Variants in PLCB1 observed in about 807,000 individuals in gnomAD.
The protein encoded by PLCB1 is 1-phosphatidylinositol 4,5-bisphosphate phosphodiesterase beta-1.
Under a neutral mutation model 161.8 loss-of-function variants are expected in PLCB1, and 46 were observed. That is an observed-to-expected ratio of 0.28 (90% CI 0.22 to 0.36). The LOEUF (loss-of-function observed/expected upper bound fraction) is 0.36, where lower values mean the gene tolerates loss of function less well. Among genes scored for constraint, PLCB1 ranks in the 10% least tolerant of loss-of-function variants. The pLI, the probability that PLCB1 is intolerant of heterozygous loss-of-function variation, is 1.00. For synonymous variants in PLCB1, 517 were observed against 503.7 expected, an observed-to-expected ratio of 1.03 and a Z score of -0.35; for missense variants, 1,016 against 1,472.5, an observed-to-expected ratio of 0.69 and a Z score of 5.07.
chr20:8,827,398 G>A (rs1196112726), intron 31 of PLCB1, among the ~76,000 whole-genome samples: 1 of 152,156 alleles, frequency 6.6e-6, no homozygotes, highest in Admixed American at 6.5e-5. Flanking sequence ...AAGCAGCAAA[G>A]GAAAGGATTT....
intron 3 of PLCB1, among the ~76,000 whole-genome samples, chr20:8,475,707 T>C (rs1276147744): frequency 1.3e-5 from 2 of 152,170 alleles, no homozygotes; most frequent in Non-Finnish European, 2.9e-5. Flanking sequence ...ATATATAACA[T>C]CTTAGATATA....
intron 31 of PLCB1, among the ~76,000 whole-genome samples, chr20:8,816,904 A>T (rs1211457398): frequency 6.6e-6 from 1 of 152,232 alleles, no homozygotes; most frequent in Non-Finnish European, 1.5e-5. Flanking sequence ...CTAACTGTTC[A>T]TCTGGAACCA....
chr20:8,588,831 T>C (rs1987065400), intron 3 of PLCB1, among the ~76,000 whole-genome samples: 1 of 152,184 alleles, frequency 6.6e-6, no homozygotes, highest in Admixed American at 6.5e-5. Context: ...TCATGAACTT[T>C]CATGTTTTCT....
intron 3 of PLCB1, among the ~76,000 whole-genome samples, chr20:8,436,445 A>G (rs1461953672): frequency 7.0e-6 from 1 of 143,686 alleles, no homozygotes; most frequent in Non-Finnish European, 1.5e-5. Flanking sequence ...GAAAAAAAAA[A>G]CAAGACAACA....
At chr20:8,700,682 C>A (rs903240160) in intron 11 of PLCB1, among the ~76,000 whole-genome samples, 2 of 152,128 alleles carry the variant, frequency 1.3e-5, no homozygotes, top group African/African-American at 4.8e-5. Flanking sequence ...AATTCATCAT[C>A]CCAGTTGGTT....
chr20:8,365,650 T>TA lies in PLCB1; in HGVS notation c.178-5725dup, dbSNP rs545598084. ...TTAAAATACTCTAAAATCATTTTTT[T>TA]AAAAAAATTGTGCATTTTAAGGAGG... On this transcript the variant is annotated intron_variant, in intron 2 of 31. Transcript: ENST00000338037. 3.8e-4 allele frequency among the ~76,000 whole-genome samples: 58 copies of TA among 152,280 alleles called. No individual in the cohort carries two copies. The East Asian group carries it at 0.011, about 28-fold the overall frequency.
chr20:8,779,905 A>C (rs1370789998), intron 27 of PLCB1, among the ~76,000 whole-genome samples: 3 of 152,300 alleles, frequency 2.0e-5, no homozygotes, highest in South Asian at 4.1e-4. Context: ...TTCCCTCCCT[A>C]CATCCACAGT....
rs868416185 is a variant in PLCB1, at chr20:8,735,750, A to G, written c.2044-1278A>G. ...ATGTTTTGAAATGCTTGCTTATTTC[A>G]TAGACATAGTTCTCACATAGAACCT... On this transcript the variant is annotated intron_variant, in intron 19 of 31. Transcript: ENST00000338037. Among the ~76,000 whole-genome samples, 27 of 152,342 alleles carry G rather than the reference A, an allele frequency of 1.8e-4. No individual in the cohort carries two copies. In the Middle Eastern group the frequency reaches 0.01, roughly 58 times the overall value.
intron 3 of PLCB1, among the ~76,000 whole-genome samples, chr20:8,595,076 A>G (rs1987286999): frequency 6.6e-6 from 1 of 152,204 alleles, no homozygotes; most frequent in Non-Finnish European, 1.5e-5. Context: ...TTTAAAGGCA[A>G]TTAATATGTC....
At chr20:8,194,999 T>A (rs1236727443) in intron 2 of PLCB1, among the ~76,000 whole-genome samples, 1 of 152,036 alleles carries the variant, frequency 6.6e-6, no homozygotes, top group Non-Finnish European at 1.5e-5. Flanking sequence ...TTTCATAATA[T>A]CTAAATTTTT....
intron 9 of PLCB1, among the ~76,000 whole-genome samples, chr20:8,666,323 T>G (rs1393539751): frequency 6.6e-6 from 1 of 152,178 alleles, no homozygotes; most frequent in African/African-American, 2.4e-5. Flanking sequence ...GATCCTGTTT[T>G]TGGAAGAACC....
At chr20:8,490,371 AT>A (rs1396737009) in intron 3 of PLCB1, among the ~76,000 whole-genome samples, 3 of 152,306 alleles carry the variant, frequency 2.0e-5, no homozygotes, top group East Asian at 3.9e-4. Flanking sequence ...TTATTCATAA[AT>A]TACCAGTGTT....
At chr20:8,658,833 G>C in intron 9 of PLCB1, 129 bp downstream of exon 9, 1 of 718,294 alleles carries the variant, frequency 1.4e-6, no homozygotes, top group East Asian at 2.8e-5. Context: ...CTTTCGGTCT[G>C]AAATCACTTG....
chr20:8,162,054 AT>A (rs928902725), intron 2 of PLCB1, among the ~76,000 whole-genome samples: 2 of 152,128 alleles, frequency 1.3e-5, no homozygotes, highest in Non-Finnish European at 2.9e-5. Context: ...AATTACTAGG[AT>A]TTTTTTAGAA....
intron 3 of PLCB1, among the ~76,000 whole-genome samples, chr20:8,537,072 G>C (rs1199265790): frequency 1.3e-5 from 2 of 152,172 alleles, no homozygotes; most frequent in Non-Finnish European, 2.9e-5. Flanking sequence ...CGGGTCTGCA[G>C]CAACCTCAAT....
intron 2 of PLCB1, among the ~76,000 whole-genome samples, chr20:8,301,346 A>G (rs1983902888): frequency 6.6e-6 from 1 of 152,160 alleles, no homozygotes; most frequent in South Asian, 2.1e-4. Context: ...TTTGCTGTCT[A>G]TTTTCAAGGG....
chr20:8,366,052 G>C (rs1986701406), intron 2 of PLCB1, among the ~76,000 whole-genome samples: 1 of 152,046 alleles, frequency 6.6e-6, no homozygotes, highest in Non-Finnish European at 1.5e-5. Flanking sequence ...AAACAACCAA[G>C]ACAATTCAGT....
At chr20:8,447,886 G>C (rs1228541685) in intron 3 of PLCB1, among the ~76,000 whole-genome samples, 1 of 152,204 alleles carries the variant, frequency 6.6e-6, no homozygotes, top group African/African-American at 2.4e-5. Flanking sequence ...TACAATTTCA[G>C]ACTCTATGTG....
At chr20:8,188,676 T>C (rs1190595205) in intron 2 of PLCB1, among the ~76,000 whole-genome samples, 1 of 152,174 alleles carries the variant, frequency 6.6e-6, no homozygotes, top group Non-Finnish European at 1.5e-5. Flanking sequence ...TTTTCGTCCA[T>C]GTTTGTAATC....
Sources: allele counts gnomAD v4.1 joint callset (sites outside exome capture counted in the v4.1 genomes callset), GRCh38; gene constraint gnomAD v4.1.1; transcripts MANE v1.5; gene names NCBI Gene and HGNC (gene_info 2026-07-23, HGNC 2026-07-21).